The following NEDD9 variants were observed in gnomAD, a reference collection of about 807,000 sequenced individuals.
The protein encoded by NEDD9 is neural precursor cell expressed, developmentally down-regulated 9.
In NEDD9, 26 loss-of-function variants were observed where a neutral mutation model predicts 76.6. That is an observed-to-expected ratio of 0.34 (90% CI 0.25 to 0.47). NEDD9 has a LOEUF of 0.47. Ranked by LOEUF, NEDD9 falls within the 20% of genes least tolerant of loss-of-function variation. The pLI, the probability that NEDD9 is intolerant of heterozygous loss-of-function variation, is 1.00. For missense variants in NEDD9, 937 were observed against 1,058.5 expected (o/e 0.89, Z 1.59); for synonymous variants, 392 against 414.2 (o/e 0.95, Z 0.65).
chr6:11,326,381 T>A (rs1231947170), intron 2 of NEDD9, among the ~76,000 whole-genome samples: 2 of 152,194 alleles, frequency 1.3e-5, no homozygotes, highest in Non-Finnish European at 2.9e-5. Flanking sequence ...AAGAAATTCT[T>A]GAGAGTGGTA....
At chr6:11,349,365 T>C (rs1762422588) in intron 1 of NEDD9, among the ~76,000 whole-genome samples, 1 of 152,226 alleles carries the variant, frequency 6.6e-6, no homozygotes, top group Non-Finnish European at 1.5e-5. Flanking sequence ...GCGTGGTGAT[T>C]TCTCAAAGGC....
In NEDD9 at chr6:11,379,133, C is replaced by G. The variant is rs566014407; in HGVS notation, c.-214+3006G>C. On this transcript the variant is annotated intron_variant, in intron 1 of 3. Coordinates refer to the NEDD9 transcript ENST00000397378. ...TTCCAGCCCAGTGGCACAGGCCAGGCAGGCCCTGGGTGGAAGGCACTGGGA... is the reference window on the plus strand; with the variant it reads ...TTCCAGCCCAGTGGCACAGGCCAGGGAGGCCCTGGGTGGAAGGCACTGGGA... Among the ~76,000 whole-genome samples the G allele has an allele frequency of 5.9e-5, 9 of 152,350 alleles. No individual in the cohort carries two copies. The South Asian group carries it at 1.9e-3, about 32-fold the overall frequency.
intron 3 of NEDD9, among the ~76,000 whole-genome samples, chr6:11,193,322 A>AG (rs1758208447): frequency 6.6e-6 from 1 of 151,298 alleles, no homozygotes; most frequent in Non-Finnish European, 1.5e-5. Flanking sequence ...AAAAAAAAAA[A>AG]AAGAAAAAAG....
chr6:11,261,102 T>C (rs1344978575), intron 3 of NEDD9, among the ~76,000 whole-genome samples: 1 of 152,116 alleles, frequency 6.6e-6, no homozygotes, highest in Non-Finnish European at 1.5e-5. Flanking sequence ...CTCCCAGCAG[T>C]TTTCTTTTTG....
chr6:11,359,360 A>G (rs932760568), intron 1 of NEDD9, among the ~76,000 whole-genome samples: 1 of 152,234 alleles, frequency 6.6e-6, no homozygotes, highest in African/African-American at 2.4e-5. Context: ...ATCATTTGCC[A>G]TATTTGGATT....
Position 11,190,855 on chromosome 6 carries a change from G to A in NEDD9, c.1014C>T (p.Pro338=). The A allele has an allele frequency of 6.2e-7, 1 of 1,614,096 alleles. No individual in the cohort carries two copies. The highest frequency in any genetic ancestry group is 8.5e-7 in the Non-Finnish European group (1 of 1,180,020). ...CATCATAAACACCATCCCTTTCCTG[G>A]GGGTTTGCTTTCTCACTGGTTTCTG... ...PPAETSEKAN[P]QERDGVYDVP... The change falls in exon 5 of 7, where the codon CCC becomes CCT. Residue 338 remains proline (P), a synonymous_variant. Transcript: ENST00000379446. The surrounding 1 kb of genome is among the most constrained non-coding windows in gnomAD (Gnocchi z 5.8).
At chr6:11,195,047 T>C (rs777123907) in intron 2 of NEDD9, among the ~76,000 whole-genome samples, 3 of 152,190 alleles carry the variant, frequency 2.0e-5, no homozygotes, top group Non-Finnish European at 4.4e-5. Context: ...CTTTTATCCT[T>C]TCTCTGAAGT....
chr6:11,280,551 C>T lies in NEDD9; in HGVS notation c.12+25441G>A, dbSNP rs1325579030. 4.6e-5 allele frequency among the ~76,000 whole-genome samples: 7 copies of T among 152,254 alleles called. No homozygotes were observed. The South Asian group carries it at 1.4e-3, about 32-fold the overall frequency. ...CTCCACCCTCTTCTCCCCTGCTCTGCACCCCAGAGTCTGACCTGCAGTTAT... is the reference window on the plus strand; with the variant it reads ...CTCCACCCTCTTCTCCCCTGCTCTGTACCCCAGAGTCTGACCTGCAGTTAT... On this transcript the variant is annotated intron_variant, in intron 3 of 3. Coordinates refer to the NEDD9 transcript ENST00000397378.
chr6:11,200,889 T>A, intron 2 of NEDD9: 1 of 1,607,388 alleles, frequency 6.2e-7, no homozygotes, highest in South Asian at 1.1e-5. Context: ...GTCTAGGAGA[T>A]GAAGATATTT....
chr6:11,260,730 T>C (rs547238201), intron 3 of NEDD9, among the ~76,000 whole-genome samples: 93 of 152,276 alleles, frequency 6.1e-4, no homozygotes, highest in Admixed American at 1.2e-3. Flanking sequence ...AGGATGGTAT[T>C]GAAGAGGAAG....
chr6:11,286,906 G>A (rs58547873), intron 3 of NEDD9, among the ~76,000 whole-genome samples: 4,153 of 152,130 alleles, frequency 0.027, 178 homozygotes, highest in African/African-American at 0.095. Context: ...TGGTTTTGGC[G>A]ATGGTTCCAC....
chr6:11,247,279 T>C (rs942062846), intron 3 of NEDD9, among the ~76,000 whole-genome samples: 2 of 152,186 alleles, frequency 1.3e-5, no homozygotes, highest in Non-Finnish European at 2.9e-5. Flanking sequence ...TTTTCCTGAA[T>C]TTGTACTATG....
At chr6:11,290,266 C>A (rs1360986935) in intron 3 of NEDD9, among the ~76,000 whole-genome samples, 1 of 152,158 alleles carries the variant, frequency 6.6e-6, no homozygotes, top group Non-Finnish European at 1.5e-5. Context: ...TGAGCCACAG[C>A]GACGCTTGCA....
At position 11,272,525 on chromosome 6, in the gene NEDD9, G is replaced by A. The variant is rs189511605; in HGVS notation, c.12+33467C>T. ...AAGGTAGGATGTGTGAGCAAAAGAA[G>A]GGGCAAAAGAAGAAGGAGAACGCTA... On this transcript the variant is annotated intron_variant, in intron 3 of 3. Transcript: ENST00000397378. Among the ~76,000 whole-genome samples, 127 of 152,304 alleles carry A rather than the reference G, an allele frequency of 8.3e-4. 1 individual carries two copies. Among genetic ancestry groups the A allele is most frequent in the Non-Finnish European group, 1.5e-3 (101 of 68,024 alleles).
intron 1 of NEDD9, among the ~76,000 whole-genome samples, chr6:11,365,107 G>A (rs1237047549): frequency 6.6e-6 from 1 of 152,134 alleles, no homozygotes; most frequent in Non-Finnish European, 1.5e-5. Flanking sequence ...TCACCCCCCA[G>A]ATGGGAACAC....
At position 11,197,432 on chromosome 6, in the gene NEDD9, G is replaced by A. The variant is rs184935386; in HGVS notation, c.460-3740C>T. On this transcript the variant is annotated intron_variant, in intron 2 of 6. Coordinates refer to ENST00000379446, the MANE Select transcript of NEDD9 (RefSeq NM_006403.4). ...ACTGCAACTGCTTTCGTGATTACCCGGCACAGGATTTGCACTTTCCATATG... is the reference window on the plus strand; with the variant it reads ...ACTGCAACTGCTTTCGTGATTACCCAGCACAGGATTTGCACTTTCCATATG... 6.6e-3 allele frequency among the ~76,000 whole-genome samples: 1,000 copies of A among 152,116 alleles called. 5 individuals carry two copies. The highest frequency in any genetic ancestry group is 9.6e-3 in the Non-Finnish European group (653 of 67,986).
At chr6:11,331,697 T>C (rs1289240931) in intron 2 of NEDD9, among the ~76,000 whole-genome samples, 2 of 152,204 alleles carry the variant, frequency 1.3e-5, no homozygotes, top group Non-Finnish European at 2.9e-5. Context: ...CACTTAGACC[T>C]GCCTGATCAT....
chr6:11,284,632 G>A (rs1056376776), intron 3 of NEDD9, among the ~76,000 whole-genome samples: 1 of 151,412 alleles, frequency 6.6e-6, no homozygotes, highest in East Asian at 1.9e-4. Flanking sequence ...TTCAGCTTCG[G>A]TTATTCAAAA....
intron 2 of NEDD9, among the ~76,000 whole-genome samples, chr6:11,317,038 CAGAG>C (rs898906595): frequency 2.0e-5 from 3 of 152,084 alleles, no homozygotes; most frequent in African/African-American, 7.2e-5. Flanking sequence ...GTCTGAGATT[CAGAG>C]AGAGAGAATG....
Sources: gnomAD v4.1 joint callset for allele counts (sites outside exome capture counted in the v4.1 genomes callset) on GRCh38, gnomAD v4.1.1 for gene constraint, Gnocchi (gnomAD v3.1) non-coding constraint, MANE v1.5 for transcripts, NCBI Gene and HGNC (gene_info 2026-07-23, HGNC 2026-07-21) for gene names.